Variants in ITFG1 observed in about 807,000 individuals in gnomAD.
The protein encoded by ITFG1 is T-cell immunomodulatory protein.
In ITFG1, 34 loss-of-function variants were observed where a neutral mutation model predicts 81.8. The observed-to-expected ratio is 0.42, with a 90% CI of 0.32 to 0.55. ITFG1 has a LOEUF of 0.55. Among genes scored for constraint, ITFG1 ranks in the 20% least tolerant of loss-of-function variants. ITFG1 has a pLI of 0.17. For synonymous variants in ITFG1, 285 were observed against 270.6 expected, an observed-to-expected ratio of 1.05 and a Z score of -0.52; for missense variants, 672 against 755.4, an observed-to-expected ratio of 0.89 and a Z score of 1.29.
intron 10 of ITFG1, 52 bp from the exon 11 acceptor site, chr16:47,260,747 A>G: frequency 1.3e-6 from 2 of 1,575,196 alleles, no homozygotes; most frequent in Non-Finnish European, 1.7e-6. Context: ...ACACTGTGGC[A>G]TCGGCTCTGT....
intron 10 of ITFG1, among the ~76,000 whole-genome samples, chr16:47,283,215 G>A (rs1437570121): frequency 6.6e-6 from 1 of 152,034 alleles, no homozygotes; most frequent in Non-Finnish European, 1.5e-5. Flanking sequence ...ATAGTTTCAG[G>A]TCTTACATTT....
At chr16:47,260,049 C>G (rs1966189937) in intron 11 of ITFG1, among the ~76,000 whole-genome samples, 1 of 151,922 alleles carries the variant, frequency 6.6e-6, no homozygotes, top group Non-Finnish European at 1.5e-5. Context: ...CGCCATTCTC[C>G]TGCCTCAGCC....
intron 8 of ITFG1, among the ~76,000 whole-genome samples, chr16:47,359,967 T>G (rs1968088774): frequency 6.6e-6 from 1 of 152,244 alleles, no homozygotes; most frequent in South Asian, 2.1e-4. Flanking sequence ...GGTTTTTGTA[T>G]GCTTGAGGCT....
intron 12 of ITFG1, among the ~76,000 whole-genome samples, chr16:47,244,591 TTGTGTGTG>T (rs57470225): frequency 0.17 from 19,735 of 117,814 alleles, 1,932 homozygotes; most frequent in East Asian, 0.19. Context: ...ATTCCATCTT[TTGTGTGTG>T]TGTGTGTGTG....
intron 10 of ITFG1, among the ~76,000 whole-genome samples, chr16:47,274,103 A>G (rs1295937074): frequency 6.6e-6 from 1 of 152,088 alleles, no homozygotes; most frequent in Non-Finnish European, 1.5e-5. Context: ...CTAAAAATAC[A>G]AAAATTAGCT....
intron 10 of ITFG1, among the ~76,000 whole-genome samples, chr16:47,297,681 C>T (rs1967004975): frequency 6.6e-6 from 1 of 150,510 alleles, no homozygotes; most frequent in Non-Finnish European, 1.5e-5. Context: ...GCTCTCAATC[C>T]ATTCTGGCTT....
chr16:47,421,741 C>A (rs1968952937), intron 6 of ITFG1, among the ~76,000 whole-genome samples: 1 of 152,150 alleles, frequency 6.6e-6, no homozygotes, highest in African/African-American at 2.4e-5. Flanking sequence ...AGGTTTGTTA[C>A]ATAGGTATAC....
At chr16:47,223,613 G>A (rs1046016284) in intron 13 of ITFG1, among the ~76,000 whole-genome samples, 12 of 152,214 alleles carry the variant, frequency 7.9e-5, no homozygotes, top group Non-Finnish European at 1.8e-4. Context: ...TTACACTGTT[G>A]GTGGGACTGT....
At chr16:47,374,544 C>T (rs1165819940) in intron 7 of ITFG1, among the ~76,000 whole-genome samples, 1 of 152,100 alleles carries the variant, frequency 6.6e-6, no homozygotes, top group Non-Finnish European at 1.5e-5. Context: ...ATCAAATACA[C>T]CTCTCATTTT....
rs1433736093 is a variant in ITFG1 at position 47,454,108 on chromosome 16, T to G, written c.332A>C (p.Asp111Ala). ...TGTCAGAAGGACATCCATTTGAGAATCTCCATCATAATCCCCAGGGACTAC... is the reference window on the plus strand; with the variant it reads ...TGTCAGAAGGACATCCATTTGAGAAGCTCCATCATAATCCCCAGGGACTAC... ...TSVVPGDYDG[D>A]SQMDVLLTYL... The change falls in exon 3 of 18, where the codon GAT becomes GCT. Residue 111 changes from aspartate to alanine, a missense_variant. By Grantham distance (126) the Asp-to-Ala change is moderately radical (BLOSUM62 -2). Coordinates refer to ENST00000320640, the MANE Select transcript of ITFG1 (RefSeq NM_030790.5). The G allele has an allele frequency of 1.2e-6, 2 of 1,607,216 alleles. No individual in the cohort carries two copies. Among genetic ancestry groups the G allele is most frequent in the Non-Finnish European group, 1.7e-6 (2 of 1,174,196 alleles).
chr16:47,438,686 C>T lies in ITFG1; in HGVS notation c.561-9788G>A, dbSNP rs145090267. On this transcript the variant is annotated intron_variant, in intron 5 of 17. Coordinates refer to ENST00000320640, the MANE Select transcript of ITFG1 (RefSeq NM_030790.5). ...CATCCACACAAAAAACTCATCTATA[C>T]GTCACCATCATCAAAGACCAAAGGT... Among the ~76,000 whole-genome samples, 658 of 152,204 alleles carry T rather than the reference C, an allele frequency of 4.3e-3. 6 individuals carry two copies. Among genetic ancestry groups the T allele is most frequent in the African/African-American group, 0.015 (617 of 41,530 alleles).
chr16:47,211,504 T>G (rs1475040159), intron 14 of ITFG1, among the ~76,000 whole-genome samples: 1 of 152,232 alleles, frequency 6.6e-6, no homozygotes. Context: ...TGCTTTCAAC[T>G]TGGTTGCCTT....
intron 8 of ITFG1, among the ~76,000 whole-genome samples, chr16:47,348,603 T>C (rs1029131886): frequency 5.9e-5 from 9 of 152,098 alleles, no homozygotes; most frequent in African/African-American, 1.2e-4. Flanking sequence ...CTGAAAGTGA[T>C]AGGGAGAATG....
intron 6 of ITFG1, among the ~76,000 whole-genome samples, chr16:47,390,330 T>C (rs1454290403): frequency 6.6e-6 from 1 of 152,212 alleles, no homozygotes; most frequent in African/African-American, 2.4e-5. Flanking sequence ...AAGTCTTTGC[T>C]CTTTATTTGG....
intron 8 of ITFG1, among the ~76,000 whole-genome samples, chr16:47,357,218 T>TTACA: frequency 1.3e-5 from 2 of 152,220 alleles, no homozygotes; most frequent in East Asian, 3.9e-4. Flanking sequence ...AAAATAGCAA[T>TTACA]ATAATAATGT....
At chr16:47,415,142 T>C (rs550363000) in intron 6 of ITFG1, among the ~76,000 whole-genome samples, 6 of 151,126 alleles carry the variant, frequency 4.0e-5, no homozygotes, top group African/African-American at 1.5e-4. Flanking sequence ...GTCCTCATGA[T>C]ACATATATTC....
At chr16:47,377,560 C>T (rs1968342924) in intron 6 of ITFG1, among the ~76,000 whole-genome samples, 1 of 152,110 alleles carries the variant, frequency 6.6e-6, no homozygotes, top group Admixed American at 6.6e-5. Flanking sequence ...CCTCTGTTTG[C>T]CTCTGTACAT....
At chr16:47,453,491 A>G (rs1251805460) in intron 3 of ITFG1, among the ~76,000 whole-genome samples, 1 of 152,256 alleles carries the variant, frequency 6.6e-6, no homozygotes, top group Non-Finnish European at 1.5e-5. Context: ...CTTGCCAATC[A>G]GATACACTGT....
At chr16:47,400,752 C>T (rs1262392042) in intron 6 of ITFG1, among the ~76,000 whole-genome samples, 1 of 151,694 alleles carries the variant, frequency 6.6e-6, no homozygotes, top group African/African-American at 2.4e-5. Flanking sequence ...AGGGGAGGAT[C>T]TGGGGCAGAG....
Sources: allele counts gnomAD v4.1 joint callset (sites outside exome capture counted in the v4.1 genomes callset), GRCh38; gene constraint gnomAD v4.1.1; transcripts MANE v1.5; gene names NCBI Gene and HGNC (gene_info 2026-07-23, HGNC 2026-07-21).